Variants in COL19A1 observed in about 807,000 individuals in gnomAD.
The protein encoded by COL19A1 is collagen alpha-1(XIX) chain.
COL19A1 carries 159 observed loss-of-function variants against 190.2 expected under a neutral mutation model. The observed-to-expected ratio is 0.84, with a 90% CI of 0.73 to 0.95. The LOEUF (loss-of-function observed/expected upper bound fraction) is 0.95, where lower values mean the gene tolerates loss of function less well. Ranked by LOEUF, COL19A1 falls within the 40% of genes least tolerant of loss-of-function variation. COL19A1 has a pLI of 0.00. For missense variants in COL19A1, 1,418 were observed against 1,431.9 expected, an observed-to-expected ratio of 0.99 and a Z score of 0.16; for synonymous variants, 509 against 458.9, an observed-to-expected ratio of 1.11 and a Z score of -1.39.
intron 16 of COL19A1, among the ~76,000 whole-genome samples, chr6:70,103,018 AC>A (rs1211932573): frequency 6.6e-6 from 1 of 151,784 alleles, no homozygotes; most frequent in Non-Finnish European, 1.5e-5. Flanking sequence ...CTTTTCTTCT[AC>A]CCCCTACATG....
At chr6:70,022,923 C>CTCTGATTTTTTCATT (rs1386590862) in intron 11 of COL19A1, among the ~76,000 whole-genome samples, 33 of 151,942 alleles carry the variant, frequency 2.2e-4, no homozygotes, top group Admixed American at 7.9e-4. Context: ...AATTTTTCAT[C>CTCTGATTTTTTCATT]TCTGATTTTT....
chr6:70,125,054 T>C (rs950165837), intron 17 of COL19A1, among the ~76,000 whole-genome samples: 18 of 152,020 alleles, frequency 1.2e-4, no homozygotes, highest in Non-Finnish European at 2.1e-4. Flanking sequence ...ATGTTTTCCA[T>C]TGGCATTGTC....
chr6:69,892,446 A>G (rs1769416787), intron 2 of COL19A1, among the ~76,000 whole-genome samples: 1 of 152,238 alleles, frequency 6.6e-6, no homozygotes, highest in Non-Finnish European at 1.5e-5. Flanking sequence ...TTATTAAAAA[A>G]CAAATCATCA....
chr6:70,142,094 A>G lies in COL19A1; in HGVS notation c.1572+18A>G, dbSNP rs1360550848. Reference sequence around the variant, plus strand: ...GACTAAAGGTATATAAGAAATAACTAAGATTTCTTGGGAAATAATTTGGGA... The same window carrying G: ...GACTAAAGGTATATAAGAAATAACTGAGATTTCTTGGGAAATAATTTGGGA... On this transcript the variant is annotated intron_variant, in intron 22 of 50. Transcript: ENST00000620364. 1 of 1,602,606 alleles carries G rather than the reference A, an allele frequency of 6.2e-7. No homozygotes were observed. Among genetic ancestry groups the G allele is most frequent in the East Asian group, 2.2e-5 (1 of 44,496 alleles).
intron 27 of COL19A1, 56 bp from the exon 28 acceptor site, chr6:70,149,648 A>C: frequency 6.3e-7 from 1 of 1,598,476 alleles, no homozygotes; most frequent in Non-Finnish European, 8.5e-7. Context: ...TGTCACTTGG[A>C]TAATTTATGG....
At position 69,985,685 on chromosome 6, in the gene COL19A1, C is replaced by G. The variant is rs117240171; in HGVS notation, c.1026+22815C>G. On this transcript the variant is annotated intron_variant, in intron 11 of 50. Transcript: ENST00000620364. ...AACTTCTATTTCTTTGTCTAAAAAACTGTGAAAATTTTCCTTATTTCAAAA... is the reference window on the plus strand; with the variant it reads ...AACTTCTATTTCTTTGTCTAAAAAAGTGTGAAAATTTTCCTTATTTCAAAA... 5.5e-3 allele frequency among the ~76,000 whole-genome samples: 837 copies of G among 152,260 alleles called. 18 individuals are homozygous for G. In the East Asian group the frequency reaches 0.069, roughly 12 times the overall value.
intron 15 of COL19A1, among the ~76,000 whole-genome samples, chr6:70,098,968 C>T (rs979669311): frequency 6.7e-6 from 1 of 150,012 alleles, no homozygotes; most frequent in Non-Finnish European, 1.5e-5. Context: ...CCTGTAATCC[C>T]AACACTTTGG....
chr6:69,885,993 C>A (rs1768902836), intron 2 of COL19A1, among the ~76,000 whole-genome samples: 2 of 152,024 alleles, frequency 1.3e-5, no homozygotes, highest in African/African-American at 2.4e-5. Context: ...GGGACTAAGT[C>A]AAACTAAAAC....
chr6:69,901,488 A>G (rs192750399), intron 4 of COL19A1, among the ~76,000 whole-genome samples: 99 of 152,378 alleles, frequency 6.5e-4, no homozygotes, highest in African/African-American at 2.3e-3. Context: ...ATTTCAAATC[A>G]GGGGATATAA....
intron 31 of COL19A1, among the ~76,000 whole-genome samples, chr6:70,155,323 C>A (rs751831148): frequency 7.9e-5 from 12 of 152,122 alleles, no homozygotes; most frequent in Non-Finnish European, 1.6e-4. Flanking sequence ...TAAACTATCT[C>A]CCCCACTCAG....
chr6:69,879,095 A>G (rs1768327977), intron 1 of COL19A1, among the ~76,000 whole-genome samples: 1 of 152,184 alleles, frequency 6.6e-6, no homozygotes, highest in Non-Finnish European at 1.5e-5. Flanking sequence ...CAGTTTTGCA[A>G]AATGAAAAAA....
intron 16 of COL19A1, among the ~76,000 whole-genome samples, chr6:70,106,372 C>T (rs892473320): frequency 3.3e-5 from 5 of 150,130 alleles, no homozygotes; most frequent in African/African-American, 7.4e-5. Flanking sequence ...AAGAGGACAA[C>T]GTTTTGTCCC....
intron 14 of COL19A1, among the ~76,000 whole-genome samples, chr6:70,064,037 C>G (rs942798723): frequency 6.6e-6 from 1 of 152,138 alleles, no homozygotes; most frequent in Non-Finnish European, 1.5e-5. Flanking sequence ...CAGCCGAATT[C>G]TACCAGAGGT....
At chr6:70,049,704 CAA>C (rs1780095019) in intron 14 of COL19A1, among the ~76,000 whole-genome samples, 2 of 151,894 alleles carry the variant, frequency 1.3e-5, no homozygotes, top group South Asian at 2.1e-4. Flanking sequence ...GTGACTTTTA[CAA>C]AAGAGTTATT....
intron 14 of COL19A1, among the ~76,000 whole-genome samples, chr6:70,039,563 A>C (rs1267838410): frequency 6.6e-6 from 1 of 152,218 alleles, no homozygotes; most frequent in African/African-American, 2.4e-5. Context: ...CAAAGCACAC[A>C]CAGCTGAACT....
At chr6:69,941,721 C>G (rs1773478939) in intron 9 of COL19A1, among the ~76,000 whole-genome samples, 1 of 143,184 alleles carries the variant, frequency 7.0e-6, no homozygotes, top group South Asian at 2.2e-4. Context: ...CAGAGACTTG[C>G]TCTGTCACCC....
chr6:70,064,619 G>A (rs1781061316), intron 14 of COL19A1, among the ~76,000 whole-genome samples: 1 of 152,210 alleles, frequency 6.6e-6, no homozygotes, highest in Admixed American at 6.5e-5. Context: ...AGGGCAATCA[G>A]GCAGGAGAAG....
chr6:69,956,018 G>A (rs907489622), intron 9 of COL19A1, among the ~76,000 whole-genome samples: 2 of 151,950 alleles, frequency 1.3e-5, no homozygotes, highest in Non-Finnish European at 2.9e-5. Flanking sequence ...TGGTGGAGTT[G>A]TTATACATAA....
intron 11 of COL19A1, among the ~76,000 whole-genome samples, chr6:70,017,945 T>C (rs1298820877): frequency 2.0e-5 from 3 of 152,004 alleles, no homozygotes; most frequent in East Asian, 1.9e-4. Flanking sequence ...AACAGGAGTA[T>C]TGGGAGCCTG....
Sources: allele counts gnomAD v4.1 joint callset (sites outside exome capture counted in the v4.1 genomes callset), GRCh38; gene constraint gnomAD v4.1.1; transcripts MANE v1.5; gene names NCBI Gene and HGNC (gene_info 2026-07-23, HGNC 2026-07-21).